PPL: variants seen among roughly 807,000 people sequenced by gnomAD.
PPL encodes 190 kDa paraneoplastic pemphigus antigen.
PPL carries 198 observed loss-of-function variants against 194.4 expected under a neutral mutation model. That is an observed-to-expected ratio of 1.02 (90% CI 0.91 to 1.15). The LOEUF is 1.15. PPL is among the 50% of genes most tolerant of loss of function. The pLI, the probability that PPL is intolerant of heterozygous loss-of-function variation, is 0.00. For missense variants in PPL, 2,885 were observed against 2,294.8 expected (o/e 1.26, Z -5.25); for synonymous variants, 1,220 against 972.4 (o/e 1.25, Z -4.74).
At chr16:4,911,725 A>AG (rs2142388140) in intron 1 of PPL, among the ~76,000 whole-genome samples, 1 of 151,766 alleles carries the variant, frequency 6.6e-6, no homozygotes, top group African/African-American at 2.4e-5. Flanking sequence ...TTTGGTAGAG[A>AG]AGGGGTTTCA....
Position 4,894,501 on chromosome 16 carries a change from G to A in PPL, c.1360C>T (p.Pro454Ser), listed in dbSNP as rs753591660. ...IAPAVCFVIP[P>S]TDPEALALAD... ...AGAGCCAGGGCCTCAGGGTCTGTGG[G>A]GGGGATCACAAAACACACGGCCGGA... Residue 454 changes from proline to serine, a missense_variant, in exon 12 of 22, where the codon CCC (proline) becomes TCC (serine). Pro to Ser is a moderately conservative substitution (Grantham distance 74). Transcript: ENST00000345988. The A allele has an allele frequency of 9.9e-6, 16 of 1,613,820 alleles. No individual in the cohort carries two copies. The Admixed American group carries it at 1.2e-4, about 12-fold the overall frequency.
At chr16:4,904,971 C>T (rs987367451) in intron 2 of PPL, among the ~76,000 whole-genome samples, 1 of 152,128 alleles carries the variant, frequency 6.6e-6, no homozygotes. Context: ...GCAGCCGGGA[C>T]AGTAGGTTTC....
rs1046583181 is a variant in PPL, at chr16:4,895,513, C to T, written c.1095+81G>A. ...CAGCAGGTGGGGTGCTGTGGAGGGG[C>T]CTGTACAGGGCTGAGGGCAGGCATG... On this transcript the variant is annotated intron_variant, in intron 10 of 21. Coordinates refer to ENST00000345988, the MANE Select transcript of PPL (RefSeq NM_002705.5). 12 of 1,607,950 alleles carry T rather than the reference C, an allele frequency of 7.5e-6. No homozygotes were observed. The Admixed American group carries it at 8.4e-5, about 11-fold the overall frequency.
Position 4,895,633 on chromosome 16 carries a change from C to A in PPL, c.1056G>T (p.Lys352Asn). 1 of 1,614,104 alleles carries A rather than the reference C, an allele frequency of 6.2e-7. No individual in the cohort carries two copies. Among genetic ancestry groups the A allele is most frequent in the Non-Finnish European group, 8.5e-7 (1 of 1,180,032 alleles). ...GCAGCAGCTCAATCTGGTACCGGTC[C>A]TTGAAGTCAGGGCCATACTTCTGGT... The part of the protein sequence containing the change: ...DLNQKYGPDF[K>N]DRYQIELLLR... Residue 352 changes from lysine to asparagine, a missense_variant, in exon 10 of 22, where the codon AAG (lysine) becomes AAT (asparagine). Physicochemically the swap from Lys to Asn is moderately conservative, Grantham distance 94. Coordinates refer to ENST00000345988, the MANE Select transcript of PPL (RefSeq NM_002705.5).
intron 20 of PPL, 97 bp downstream of exon 20, chr16:4,888,005 G>A: frequency 2.4e-6 from 2 of 836,204 alleles, no homozygotes; most frequent in Non-Finnish European, 4.0e-6. Context: ...TGTTGTGTGT[G>A]CATCTCTGAG....
chr16:4,888,132 G>C lies in PPL; in HGVS notation c.2484C>G (p.Leu828=). ...RRSHVSKRAR[L]QSPATKVKEE... The stretch of plus-strand genomic sequence containing the variant: ...CCTTCACTTTGGTGGCAGGAGATTG[G>C]AGCCTGGCTCTCTTGCTCACGTGGC... The change falls in exon 20 of 22, where the codon CTC becomes CTG. Residue 828 remains leucine, a synonymous_variant. Coordinates refer to ENST00000345988, the MANE Select transcript of PPL (RefSeq NM_002705.5). 3 of 1,613,884 alleles carry C rather than the reference G, an allele frequency of 1.9e-6. No individual in the cohort carries two copies. The highest frequency in any genetic ancestry group is 2.2e-5 in the East Asian group (1 of 44,882).
At chr16:4,928,301 G>A (rs2089185255) in intron 1 of PPL, among the ~76,000 whole-genome samples, 1 of 152,246 alleles carries the variant, frequency 6.6e-6, no homozygotes, top group South Asian at 2.1e-4. Context: ...GGCCAGGCTG[G>A]TCTCCAACAC....
rs1478260694 is a variant in PPL at position 4,936,924 on chromosome 16, G to C, written c.62+60C>G. 7 of 1,517,528 alleles carry C rather than the reference G, an allele frequency of 4.6e-6. No individual in the cohort carries two copies. In the African/African-American group the frequency reaches 8.5e-5, roughly 18 times the overall value. 94.0% of individuals were successfully genotyped at this position (1,517,528 alleles called of 1,614,324 possible). ...CCTACACTGCCCGGGAGGTCTTCCA[G>C]GTCCTGTGCGCCCACAGGGGCAAGA... On this transcript the variant is annotated intron_variant, in intron 1 of 21. Transcript: ENST00000345988.
At chr16:4,928,725 A>G (rs1029896300) in intron 1 of PPL, among the ~76,000 whole-genome samples, 1 of 152,090 alleles carries the variant, frequency 6.6e-6, no homozygotes, top group Admixed American at 6.5e-5. Flanking sequence ...AAGAAACTCT[A>G]TTTGGCTGGG....
At position 4,897,679 on chromosome 16, in the gene PPL, T is replaced by A; in HGVS notation, c.968A>T (p.His323Leu). 6.2e-7 allele frequency: 1 copy of A among 1,612,354 alleles called. No homozygotes were observed. The highest frequency in any genetic ancestry group is 8.5e-7 in the Non-Finnish European group (1 of 1,178,870). The stretch of plus-strand genomic sequence containing the variant: ...ACTCCCAGGAAAGGTAAGTACCTGG[T>A]GGTAGTCCTCCATGTACTTGAGGTG... Reference protein sequence around the residue: ...ESHLKYMEDYHQFHEDVKDAQ... With the variant: ...ESHLKYMEDYLQFHEDVKDAQ... The change falls in exon 9 of 22, where the codon CAC becomes CTC. Residue 323 changes from histidine (H) to leucine (L), a missense_variant. Transcript: ENST00000345988.
chr16:4,894,790 G>A (rs1422890314), intron 11 of PPL, among the ~76,000 whole-genome samples, 172 bp from the exon 12 acceptor site: 2 of 152,160 alleles, frequency 1.3e-5, no homozygotes, highest in Non-Finnish European at 2.9e-5. Flanking sequence ...TGAGGCTGCC[G>A]GCCCAGCAAC....
At chr16:4,899,708 A>G (rs1243413244) in intron 6 of PPL, among the ~76,000 whole-genome samples, 1 of 152,250 alleles carries the variant, frequency 6.6e-6, no homozygotes, top group Non-Finnish European at 1.5e-5. Flanking sequence ...ATTTTTGTGA[A>G]GGCTTAGTTC....
chr16:4,895,425 A>G lies in PPL; in HGVS notation c.1096-18T>C, dbSNP rs748680049. 6.8e-6 allele frequency: 11 copies of G among 1,611,090 alleles called. No homozygotes were observed. The highest frequency in any genetic ancestry group is 9.3e-6 in the Non-Finnish European group (11 of 1,178,992). ...TCCTGGTCCTGGAGAGAACGGGGTC[A>G]GGGGCCCAGGTGAGACCAACAGCCT... On this transcript the variant is annotated intron_variant, in intron 10 of 21. Coordinates refer to ENST00000345988, the MANE Select transcript of PPL (RefSeq NM_002705.5).
intron 1 of PPL, among the ~76,000 whole-genome samples, chr16:4,913,898 G>C (rs2088867011): frequency 6.6e-6 from 1 of 152,122 alleles, no homozygotes; most frequent in Non-Finnish European, 1.5e-5. Context: ...ACCTCACAAA[G>C]ACAAGCCTCT....
intron 8 of PPL, among the ~76,000 whole-genome samples, chr16:4,898,073 T>G (rs1370541289): frequency 1.3e-5 from 2 of 152,150 alleles, no homozygotes; most frequent in Admixed American, 6.5e-5. Flanking sequence ...GACCGAACAG[T>G]GTCCCACCAA....
chr16:4,901,286 C>T (rs1024095473), intron 4 of PPL, among the ~76,000 whole-genome samples, 197 bp from the exon 5 acceptor site: 4 of 152,160 alleles, frequency 2.6e-5, no homozygotes, highest in African/African-American at 9.7e-5. Flanking sequence ...CATCTTTCAT[C>T]TCACAGAGCC....
In PPL at chr16:4,892,103, C is replaced by A. The variant is rs775542961; in HGVS notation, c.1761G>T (p.Arg587Ser). The change falls in exon 15 of 22, where the codon AGG becomes AGT. Residue 587 changes from arginine (R) to serine (S), a missense_variant. Physicochemically the swap from Arg to Ser is moderately radical, Grantham distance 110 (BLOSUM62 -1). Transcript: ENST00000345988. ...TCCGGTTGGTGTCCTCCACCCGGGTCCTCAGCAGGGGTGTGGTGCCACTGC... is the reference window on the plus strand; with the variant it reads ...TCCGGTTGGTGTCCTCCACCCGGGTACTCAGCAGGGGTGTGGTGCCACTGC... The part of the protein sequence containing the change: ...LPGSGTTPLL[R>S]TRVEDTNRKY... 16 of 1,613,706 alleles carry A rather than the reference C, an allele frequency of 9.9e-6. No individual in the cohort carries two copies.
intron 1 of PPL, among the ~76,000 whole-genome samples, chr16:4,932,660 C>A (rs1049610840): frequency 6.6e-6 from 1 of 152,058 alleles, no homozygotes; most frequent in African/African-American, 2.4e-5. Context: ...TCAAGTGATC[C>A]GTCCGCCTTA....
chr16:4,893,182 G>T (rs765105343), intron 14 of PPL, 31 bp downstream of exon 14: 3 of 1,507,122 alleles, frequency 2.0e-6, no homozygotes, highest in Non-Finnish European at 1.8e-6. Context: ...GGGCTCCCCC[G>T]GCCCCACCTG....
Sources: allele counts gnomAD v4.1 joint callset (sites outside exome capture counted in the v4.1 genomes callset), GRCh38; gene constraint gnomAD v4.1.1; transcripts MANE v1.5; gene names NCBI Gene and HGNC (gene_info 2026-07-23, HGNC 2026-07-21).